The following ATRNL1 variants were observed in gnomAD, a reference collection of about 807,000 sequenced individuals.
ATRNL1 encodes the protein attractin-like protein 1.
ATRNL1 carries 95 observed loss-of-function variants against 182.7 expected under a neutral mutation model. That is an observed-to-expected ratio of 0.52 (90% CI 0.44 to 0.62). ATRNL1 has a LOEUF of 0.62. Ranked by LOEUF, ATRNL1 falls within the 20% of genes least tolerant of loss-of-function variation. The pLI, the probability that ATRNL1 is intolerant of heterozygous loss-of-function variation, is 0.00. For missense variants in ATRNL1, 1,471 were observed against 1,679.5 expected (o/e 0.88, Z 2.17); for synonymous variants, 576 against 568.3 (o/e 1.01, Z -0.19).
At chr10:115,709,674 G>A (rs539588576) in intron 26 of ATRNL1, among the ~76,000 whole-genome samples, 4 of 152,022 alleles carry the variant, frequency 2.6e-5, no homozygotes, top group East Asian at 3.9e-4. Context: ...GTATAAAGAA[G>A]AAGGATAAAA....
chr10:115,753,035 A>G (rs1555070995), intron 27 of ATRNL1, among the ~76,000 whole-genome samples: 1 of 152,054 alleles, frequency 6.6e-6, no homozygotes, highest in Admixed American at 6.6e-5. Flanking sequence ...TAGTTTACCT[A>G]CAGCTCAATT....
chr10:115,431,633 C>T (rs1392028009), intron 21 of ATRNL1, among the ~76,000 whole-genome samples: 2 of 151,896 alleles, frequency 1.3e-5, no homozygotes, highest in African/African-American at 4.8e-5. Flanking sequence ...TAAAAGTTAG[C>T]TCAATATCTT....
chr10:115,577,567 T>C (rs1249269344), intron 26 of ATRNL1, among the ~76,000 whole-genome samples: 1 of 151,332 alleles, frequency 6.6e-6, no homozygotes, highest in African/African-American at 2.4e-5. Flanking sequence ...ACCATGTTGA[T>C]TTTGTACCCT....
chr10:115,408,078 A>G (rs1844937230), intron 20 of ATRNL1, among the ~76,000 whole-genome samples: 1 of 137,864 alleles, frequency 7.3e-6, no homozygotes, highest in Non-Finnish European at 1.5e-5. Flanking sequence ...ATCTCGGCTC[A>G]CTGCAAGCTC....
chr10:115,452,825 C>T (rs1402138038), intron 21 of ATRNL1, among the ~76,000 whole-genome samples: 2 of 152,018 alleles, frequency 1.3e-5, no homozygotes, highest in Non-Finnish European at 2.9e-5. Context: ...GCTTTGTACC[C>T]TTTGAGTAAC....
At chr10:115,096,181 T>C (rs2085006411) in intron 1 of ATRNL1, among the ~76,000 whole-genome samples, 1 of 152,226 alleles carries the variant, frequency 6.6e-6, no homozygotes, top group African/African-American at 2.4e-5. Context: ...CATCTTTTCC[T>C]TGGAAGCTAT....
chr10:115,532,607 T>A (rs1851666088), intron 25 of ATRNL1, among the ~76,000 whole-genome samples: 2 of 151,304 alleles, frequency 1.3e-5, no homozygotes, highest in Non-Finnish European at 1.5e-5. Flanking sequence ...CCTAATTGAA[T>A]ACCCTTTATT....
chr10:115,869,780 GCAT>G (rs1951533851), intron 28 of ATRNL1, among the ~76,000 whole-genome samples: 1 of 151,394 alleles, frequency 6.6e-6, no homozygotes, highest in African/African-American at 2.4e-5. Flanking sequence ...TACATAAGCG[GCAT>G]CATTTTTTAA....
chr10:115,799,317 A>G (rs985569855), intron 27 of ATRNL1, among the ~76,000 whole-genome samples: 33 of 152,224 alleles, frequency 2.2e-4, no homozygotes, highest in African/African-American at 7.2e-4. Context: ...AATAGCTTGA[A>G]TTGAAACATG....
At chr10:115,733,751 A>G (rs1947868412) in intron 27 of ATRNL1, among the ~76,000 whole-genome samples, 2 of 152,054 alleles carry the variant, frequency 1.3e-5, no homozygotes, top group Admixed American at 1.3e-4. Flanking sequence ...CTTTTTTCTT[A>G]TAGCTGATTT....
intron 19 of ATRNL1, among the ~76,000 whole-genome samples, chr10:115,372,996 A>G (rs1057193305): frequency 5.3e-5 from 8 of 152,150 alleles, no homozygotes; most frequent in Non-Finnish European, 1.0e-4. Flanking sequence ...CTTTTAGTCC[A>G]TGAATACAGG....
At chr10:115,539,879 A>T (rs1852251260) in intron 25 of ATRNL1, among the ~76,000 whole-genome samples, 1 of 151,160 alleles carries the variant, frequency 6.6e-6, no homozygotes, top group Non-Finnish European at 1.5e-5. Context: ...ACAATAGGAA[A>T]AGTGTGTAGT....
At chr10:115,509,642 A>T (rs917353537) in intron 24 of ATRNL1, among the ~76,000 whole-genome samples, 3 of 151,926 alleles carry the variant, frequency 2.0e-5, no homozygotes, top group Non-Finnish European at 4.4e-5. Flanking sequence ...TGTTTCCTGT[A>T]CAACCTGTGG....
At chr10:115,705,319 C>T (rs979342415) in intron 26 of ATRNL1, among the ~76,000 whole-genome samples, 1 of 152,004 alleles carries the variant, frequency 6.6e-6, no homozygotes, top group Admixed American at 6.6e-5. Flanking sequence ...TTTAGCATTA[C>T]ATCTAGAAAT....
chr10:115,317,338 T>C (rs1423110956), intron 18 of ATRNL1, among the ~76,000 whole-genome samples: 2 of 152,218 alleles, frequency 1.3e-5, no homozygotes, highest in African/African-American at 4.8e-5. Context: ...TGTCTCCAGC[T>C]TTGTTCTTTT....
intron 9 of ATRNL1, among the ~76,000 whole-genome samples, chr10:115,227,084 C>T (rs1277332142): frequency 6.6e-6 from 1 of 152,014 alleles, no homozygotes; most frequent in Non-Finnish European, 1.5e-5. Flanking sequence ...AGGACCTAAT[C>T]AAACTACAGA....
intron 20 of ATRNL1, among the ~76,000 whole-genome samples, chr10:115,404,424 T>G (rs1391282326): frequency 4.6e-5 from 7 of 152,146 alleles, no homozygotes; most frequent in African/African-American, 7.2e-5. Context: ...GTTTCCTCAT[T>G]CAGCAGTTCA....
At chr10:115,253,227 G>A (rs1850957671) in intron 10 of ATRNL1, among the ~76,000 whole-genome samples, 1 of 152,170 alleles carries the variant, frequency 6.6e-6, no homozygotes, top group African/African-American at 2.4e-5. Flanking sequence ...ATGCTCGATG[G>A]ATAACCTTAG....
chr10:115,823,603 C>T lies in ATRNL1; in HGVS notation c.3904-24274C>T, dbSNP rs1029558627. Among the ~76,000 whole-genome samples, 5 of 152,054 alleles carry T rather than the reference C, an allele frequency of 3.3e-5. 1 individual carries two copies. Among genetic ancestry groups the T allele is most frequent in the African/African-American group, 1.2e-4 (5 of 41,402 alleles). Reference sequence around the variant, plus strand: ...AGTCTCAAGATACAAAATAAATGTACAAAACTCACAAGCATTCCATACACC... The same window carrying T: ...AGTCTCAAGATACAAAATAAATGTATAAAACTCACAAGCATTCCATACACC... On this transcript the variant is annotated intron_variant, in intron 27 of 28. Coordinates refer to ENST00000355044, the MANE Select transcript of ATRNL1 (RefSeq NM_207303.4).
Sources: allele counts gnomAD v4.1 joint callset (sites outside exome capture counted in the v4.1 genomes callset), GRCh38; gene constraint gnomAD v4.1.1; transcripts MANE v1.5; gene names NCBI Gene and HGNC (gene_info 2026-07-23, HGNC 2026-07-21).